Variants in EFR3B observed in about 807,000 individuals in gnomAD.
The protein encoded by EFR3B is EFR3 homolog B, also known as protein EFR3 homolog B.
EFR3B carries 64 observed loss-of-function variants against 104.7 expected under a neutral mutation model. That is an observed-to-expected ratio of 0.61 (90% CI 0.50 to 0.75). The LOEUF is 0.75. Ranked by LOEUF, EFR3B falls within the 30% of genes least tolerant of loss-of-function variation. EFR3B has a pLI of 0.00. For synonymous variants in EFR3B, 385 were observed against 417.9 expected (o/e 0.92, Z 0.96); for missense variants, 750 against 1,078.5 (o/e 0.70, Z 4.27).
chr2:25,055,793 T>G (rs1279847417), intron 1 of EFR3B, among the ~76,000 whole-genome samples: 1 of 152,246 alleles, frequency 6.6e-6, no homozygotes, highest in East Asian at 1.9e-4. Context: ...GAGGGATGCT[T>G]CTAGAGCAGA....
At chr2:25,065,324 G>A (rs1668303219) in intron 1 of EFR3B, among the ~76,000 whole-genome samples, 1 of 150,830 alleles carries the variant, frequency 6.6e-6, no homozygotes, top group Non-Finnish European at 1.5e-5. Flanking sequence ...GGGACTACAG[G>A]TGCGCATCAC....
chr2:25,061,328 G>T (rs557271500), intron 1 of EFR3B, among the ~76,000 whole-genome samples: 1 of 152,004 alleles, frequency 6.6e-6, no homozygotes, highest in African/African-American at 2.4e-5. Flanking sequence ...GGCCAGGCTG[G>T]TCTTGAACTC....
At chr2:25,059,753 TA>T (rs1342423168) in intron 1 of EFR3B, among the ~76,000 whole-genome samples, 2 of 151,680 alleles carry the variant, frequency 1.3e-5, no homozygotes, top group Non-Finnish European at 2.9e-5. Flanking sequence ...CACATTGCTG[TA>T]ATCCCAGCTA....
intron 1 of EFR3B, among the ~76,000 whole-genome samples, chr2:25,082,275 G>A (rs1371766154): frequency 6.6e-6 from 1 of 152,230 alleles, no homozygotes. Flanking sequence ...TGCGGCCACA[G>A]GCCAAGCCAG....
intron 4 of EFR3B, among the ~76,000 whole-genome samples, chr2:25,115,004 T>G (rs1196315175): frequency 6.6e-6 from 1 of 152,106 alleles, no homozygotes; most frequent in African/African-American, 2.4e-5. Context: ...TGGACAACAC[T>G]GAAACCCCAT....
chr2:25,128,368 A>G, intron 6 of EFR3B, 36 bp downstream of exon 6: 1 of 1,550,610 alleles, frequency 6.4e-7, no homozygotes, highest in Non-Finnish European at 8.7e-7. Context: ...CAGTAGATAT[A>G]ATCAACCCTC....
At chr2:25,055,818 A>G (rs978212780) in intron 1 of EFR3B, among the ~76,000 whole-genome samples, 2 of 152,180 alleles carry the variant, frequency 1.3e-5, no homozygotes, top group African/African-American at 4.8e-5. Context: ...TACAGGGTGG[A>G]TGCTGGGAAA....
chr2:25,113,484 C>T lies in EFR3B; in HGVS notation c.364-8189C>T, dbSNP rs770585742. On this transcript the variant is annotated intron_variant, in intron 4 of 22. Coordinates refer to ENST00000403714, the MANE Select transcript of EFR3B (RefSeq NM_014971.2). ...CAGATCGAGACCATCCTGGCTAACA[C>T]GGTGAAACCCCATCTCTACTAAAAA... Among the ~76,000 whole-genome samples the T allele has an allele frequency of 2.0e-4, 30 of 151,950 alleles. 1 individual carries two copies. The South Asian group carries it at 2.1e-3, about 11-fold the overall frequency.
chr2:25,097,108 T>C (rs939242879), intron 3 of EFR3B, among the ~76,000 whole-genome samples: 1 of 152,186 alleles, frequency 6.6e-6, no homozygotes, highest in Non-Finnish European at 1.5e-5. Flanking sequence ...GTCTCTGCAG[T>C]GATGGTTCTC....
chr2:25,121,725 A>C lies in EFR3B; in HGVS notation c.416A>C (p.Tyr139Ser). The change falls in exon 5 of 23, where the codon TAT (tyrosine) becomes TCT (serine). Residue 139 changes from tyrosine (Y) to serine (S), a missense_variant. Physicochemically the swap from Tyr to Ser is moderately radical, Grantham distance 144. Transcript: ENST00000403714. Reference sequence around the variant, plus strand: ...GACACCCCGTCCTATCACCGGAGCTATGACTTCTTTGTGTCCCGATTCAGT... The same window carrying C: ...GACACCCCGTCCTATCACCGGAGCTCTGACTTCTTTGTGTCCCGATTCAGT... ...EEDTPSYHRS[Y>S]DFFVSRFSEM... 1 of 1,551,722 alleles carries C rather than the reference A, an allele frequency of 6.4e-7. No individual in the cohort carries two copies. The highest frequency in any genetic ancestry group is 8.7e-7 in the Non-Finnish European group (1 of 1,146,990).
chr2:25,133,733 G>C (rs530022037), intron 12 of EFR3B, among the ~76,000 whole-genome samples: 1 of 152,280 alleles, frequency 6.6e-6, no homozygotes, highest in Non-Finnish European at 1.5e-5. Context: ...GAATCTGTTG[G>C]TTCCCGCCCT....
Position 25,136,393 on chromosome 2 carries a change from G to A in EFR3B, c.1485-130G>A. The A allele has an allele frequency of 3.0e-6, 2 of 658,412 alleles. No homozygotes were observed. Among genetic ancestry groups the A allele is most frequent in the Non-Finnish European group, 5.1e-6 (2 of 389,398 alleles). 40.8% of individuals were successfully genotyped at this position (658,412 alleles called of 1,614,324 possible). On this transcript the variant is annotated intron_variant, in intron 13 of 22. Transcript: ENST00000403714. The surrounding 1 kb of genome is among the most constrained non-coding windows in gnomAD (Gnocchi z 4.0). ...TGGGAGGAAAAGGTAATCGGGCTGA[G>A]AACCAGGGCCAGGGGAGCACTGGAG... is the stretch of plus-strand genomic sequence containing the variant.
At chr2:25,135,412 C>G in intron 12 of EFR3B, 55 bp from the exon 13 acceptor site, 2 of 1,540,246 alleles carry the variant, frequency 1.3e-6, no homozygotes, top group Non-Finnish European at 1.8e-6. Flanking sequence ...CCATCTCCTC[C>G]TGCACCTGAG....
At chr2:25,080,928 C>A in intron 1 of EFR3B, 1 of 770,592 alleles carries the variant, frequency 1.3e-6, no homozygotes, top group South Asian at 1.4e-5. Flanking sequence ...AGGTGGAAAT[C>A]CCATCTTCTG....
At chr2:25,139,360 T>A (rs903888540) in intron 16 of EFR3B, among the ~76,000 whole-genome samples, 170 bp downstream of exon 16, 1 of 151,904 alleles carries the variant, frequency 6.6e-6, no homozygotes, top group Non-Finnish European at 1.5e-5. Context: ...CCCTCCTGTA[T>A]GACTTGACAA....
intron 3 of EFR3B, among the ~76,000 whole-genome samples, chr2:25,094,295 A>AAAAG (rs1553390760): frequency 6.6e-6 from 1 of 151,470 alleles, no homozygotes; most frequent in East Asian, 1.9e-4. Flanking sequence ...AAAAAAAAAA[A>AAAAG]AAAAAAGAAA....
rs572296278 is a variant in EFR3B, at chr2:25,056,686, G to T, written c.7+14367G>T. 1.8e-3 allele frequency among the ~76,000 whole-genome samples: 270 copies of T among 151,940 alleles called. 1 individual carries two copies. Among genetic ancestry groups the T allele is most frequent in the African/African-American group, 6.3e-3 (261 of 41,458 alleles). On this transcript the variant is annotated intron_variant, in intron 1 of 22. Transcript: ENST00000403714. The stretch of plus-strand genomic sequence containing the variant: ...CTCCTAAAACTGCCTGATCCTACAG[G>T]CAGGCCTGGGCCCAGCAGCTGGCAA...
chr2:25,100,691 A>G (rs1669408075), intron 3 of EFR3B, among the ~76,000 whole-genome samples: 1 of 152,062 alleles, frequency 6.6e-6, no homozygotes, highest in South Asian at 2.1e-4. Flanking sequence ...ACGGTGTTTC[A>G]CTGTGTTAGC....
rs1045893800 is a variant in EFR3B at position 25,094,780 on chromosome 2, TTTAC to T, written c.212+1654_212+1657del. On this transcript the variant is annotated intron_variant, in intron 3 of 22. Coordinates refer to ENST00000403714, the MANE Select transcript of EFR3B (RefSeq NM_014971.2). ...TCCCAAAGAATCAAATTTTTTATTA[TTTAC>T]TTATTTATTATTATTATTTTTTTAA... Among the ~76,000 whole-genome samples, 493 of 152,042 alleles carry T rather than the reference TTTAC, an allele frequency of 3.2e-3. 8 individuals are homozygous for T. Among genetic ancestry groups the T allele is most frequent in the Admixed American group, 0.028 (422 of 15,268 alleles).
Sources: gnomAD v4.1 joint callset for allele counts (sites outside exome capture counted in the v4.1 genomes callset) on GRCh38, gnomAD v4.1.1 for gene constraint, Gnocchi (gnomAD v3.1) non-coding constraint, MANE v1.5 for transcripts, NCBI Gene and HGNC (gene_info 2026-07-23, HGNC 2026-07-21) for gene names.